MTRF1: variants seen among roughly 807,000 people sequenced by gnomAD.
MTRF1 encodes mitochondrial translation release factor 1.
Under a neutral mutation model 62.9 loss-of-function variants are expected in MTRF1, and 51 were observed. That is an observed-to-expected ratio of 0.81 (90% CI 0.65 to 1.02). The LOEUF is 1.02. Ranked by LOEUF, MTRF1 falls within the 50% of genes least tolerant of loss-of-function variation. The pLI, the probability that MTRF1 is intolerant of heterozygous loss-of-function variation, is 0.00. For synonymous variants in MTRF1, 158 were observed against 181.9 expected (o/e 0.87, Z 1.06); for missense variants, 446 against 530.0 (o/e 0.84, Z 1.56).
chr13:41,287,470 A>G, the MTRF1 span, among the ~76,000 whole-genome samples: 1 of 152,188 alleles, frequency 6.6e-6, no homozygotes, highest in African/African-American at 2.4e-5. Context: ...TAAGATTTGG[A>G]GGGGACACAT....
At chr13:41,237,162 T>C (rs2036745668) in intron 6 of MTRF1, among the ~76,000 whole-genome samples, 1 of 128,184 alleles carries the variant, frequency 7.8e-6, no homozygotes, top group Non-Finnish European at 1.5e-5. Context: ...GAGGTTGCAG[T>C]AAGCCAAGAT....
chr13:41,237,218 C>CAAAAAAAAA (rs11412273), intron 6 of MTRF1, among the ~76,000 whole-genome samples: 4 of 63,880 alleles, frequency 6.3e-5, no homozygotes, highest in South Asian at 7.2e-4. Context: ...GAATCTGTCT[C>CAAAAAAAAA]AAAAAAAAAA....
At chr13:41,283,628 C>T in the MTRF1 span, among the ~76,000 whole-genome samples, 1 of 123,676 alleles carries the variant, frequency 8.1e-6, no homozygotes, top group African/African-American at 3.0e-5. Flanking sequence ...CTCGCTCTGT[C>T]ACCCAGGCTG....
At chr13:41,278,975 TTTTTA>T in the MTRF1 span, among the ~76,000 whole-genome samples, 24 of 152,078 alleles carry the variant, frequency 1.6e-4, no homozygotes, top group African/African-American at 4.6e-4. Context: ...AACAAACTAT[TTTTTA>T]TTTTATTTTA....
intron 7 of MTRF1, among the ~76,000 whole-genome samples, chr13:41,226,772 C>T (rs1309486735): frequency 3.9e-5 from 6 of 152,140 alleles, no homozygotes; most frequent in African/African-American, 1.2e-4. Flanking sequence ...ATGAGAACTC[C>T]GTATGAGCAC....
At chr13:41,297,591 T>C in the MTRF1 span, among the ~76,000 whole-genome samples, 1 of 151,848 alleles carries the variant, frequency 6.6e-6, no homozygotes, top group African/African-American at 2.4e-5. Context: ...TTTTTTTTTT[T>C]CTGAGACCGG....
At chr13:41,306,055 T>C in the MTRF1 span, among the ~76,000 whole-genome samples, 1 of 151,692 alleles carries the variant, frequency 6.6e-6, no homozygotes, top group South Asian at 2.1e-4. Context: ...GATGAAGAAC[T>C]CAAAGGGAGG....
intron 8 of MTRF1, among the ~76,000 whole-genome samples, chr13:41,224,779 G>A (rs909254193): frequency 2.0e-5 from 3 of 152,236 alleles, no homozygotes; most frequent in African/African-American, 7.2e-5. Context: ...CTAAGCCTTA[G>A]AAATCCCTAT....
At chr13:41,285,999 T>C in the MTRF1 span, among the ~76,000 whole-genome samples, 2 of 148,982 alleles carry the variant, frequency 1.3e-5, no homozygotes, top group African/African-American at 2.5e-5. Context: ...AGGAGGCGGA[T>C]GTTGCAGTGA....
Position 41,226,527 on chromosome 13 carries a change from T to G in MTRF1, c.1030A>C (p.Asn344His). Residue 344 changes from asparagine (N) to histidine (H), a missense_variant, in exon 8 of 10, where the codon AAT (asparagine) becomes CAT (histidine). Physicochemically the swap from Asn to His is moderately conservative, Grantham distance 68. Coordinates refer to ENST00000379480, the MANE Select transcript of MTRF1 (RefSeq NM_004294.4). ...AACACACGAAAGGCTATTTCTTTAT[T>G]TTTTATCTGTGATCTTTCTTGTTGG... ...ECQQERSQIK[N>H]KEIAFRVLRA... The G allele has an allele frequency of 6.2e-7, 1 of 1,614,006 alleles. No individual in the cohort carries two copies. Among genetic ancestry groups the G allele is most frequent in the Non-Finnish European group, 8.5e-7 (1 of 1,179,976 alleles).
the MTRF1 span, among the ~76,000 whole-genome samples, chr13:41,287,212 C>G: frequency 6.6e-6 from 1 of 152,214 alleles, no homozygotes; most frequent in Non-Finnish European, 1.5e-5. Context: ...GCAAGCATGG[C>G]TCCAGCAACT....
At chr13:41,302,584 C>T in the MTRF1 span, among the ~76,000 whole-genome samples, 1 of 151,614 alleles carries the variant, frequency 6.6e-6, no homozygotes, top group Non-Finnish European at 1.5e-5. Flanking sequence ...GGCTGGAGTG[C>T]AGTGACACAA....
the MTRF1 span, among the ~76,000 whole-genome samples, chr13:41,305,899 C>G: frequency 6.6e-6 from 1 of 151,506 alleles, no homozygotes; most frequent in African/African-American, 2.5e-5. Context: ...GGACTTCATA[C>G]AGTTTGGAAT....
At chr13:41,253,099 C>A (rs1378051268) in intron 3 of MTRF1, 69 bp from the exon 4 acceptor site, 11 of 1,166,250 alleles carry the variant, frequency 9.4e-6, no homozygotes, top group African/African-American at 4.7e-5. Flanking sequence ...AATAAAGGCC[C>A]GAAAAACATT....
At chr13:41,302,305 C>T in the MTRF1 span, among the ~76,000 whole-genome samples, 128 of 152,148 alleles carry the variant, frequency 8.4e-4, no homozygotes, top group South Asian at 5.0e-3. Context: ...GCTGGGATTA[C>T]AGGTGCGAGC....
chr13:41,271,555 T>C, the MTRF1 span, among the ~76,000 whole-genome samples: 3 of 152,204 alleles, frequency 2.0e-5, no homozygotes, highest in African/African-American at 4.8e-5. Flanking sequence ...TCGTCTTTCA[T>C]GTTTTAGTTT....
At chr13:41,296,977 T>C in the MTRF1 span, among the ~76,000 whole-genome samples, 1 of 152,188 alleles carries the variant, frequency 6.6e-6, no homozygotes, top group Admixed American at 6.5e-5. Flanking sequence ...TGCAATCAGC[T>C]TTAGTCCAAA....
intron 9 of MTRF1, among the ~76,000 whole-genome samples, chr13:41,219,151 C>T (rs2032631169): frequency 2.0e-5 from 3 of 151,154 alleles, no homozygotes; most frequent in South Asian, 2.1e-4. Flanking sequence ...ATTAGCCAGG[C>T]GTGGTGGTGT....
upstream of MTRF1, among the ~76,000 whole-genome samples, chr13:41,265,282 C>T (rs766794476): frequency 6.6e-6 from 1 of 151,814 alleles, no homozygotes; most frequent in Non-Finnish European, 1.5e-5. Context: ...ATTAGCTGGG[C>T]GTGGTGGCTC....
Sources: allele counts gnomAD v4.1 joint callset (sites outside exome capture counted in the v4.1 genomes callset), GRCh38; gene constraint gnomAD v4.1.1; transcripts MANE v1.5; gene names NCBI Gene and HGNC (gene_info 2026-07-23, HGNC 2026-07-21).